The following RBFOX1 variants were observed in gnomAD, a reference collection of about 807,000 sequenced individuals.
The protein encoded by RBFOX1 is RNA binding protein fox-1 homolog 1.
In RBFOX1, 8 loss-of-function variants were observed where a neutral mutation model predicts 57.7. That is an observed-to-expected ratio of 0.14 (90% CI 0.08 to 0.25). RBFOX1 has a LOEUF of 0.25. Among genes scored for constraint, RBFOX1 ranks in the 10% least tolerant of loss-of-function variants. The pLI is 1.00. For synonymous variants in RBFOX1, 326 were observed against 222.4 expected, an observed-to-expected ratio of 1.47 and a Z score of -4.15; for missense variants, 611 against 548.5, an observed-to-expected ratio of 1.11 and a Z score of -1.14.
intron 2 of RBFOX1, among the ~76,000 whole-genome samples, chr16:6,407,929 C>T (rs1406675354): frequency 6.6e-6 from 1 of 152,128 alleles, no homozygotes; most frequent in Non-Finnish European, 1.5e-5. Flanking sequence ...TGATTCTCAG[C>T]ACAATAGTAT....
chr16:6,862,178 G>C (rs779601111), intron 3 of RBFOX1, among the ~76,000 whole-genome samples: 2 of 152,148 alleles, frequency 1.3e-5, no homozygotes, highest in African/African-American at 2.4e-5. Flanking sequence ...CTTGCTGTGT[G>C]TGTCATGTTT....
chr16:5,427,230 C>T (rs929796288), intron 1 of RBFOX1, among the ~76,000 whole-genome samples: 3 of 152,196 alleles, frequency 2.0e-5, no homozygotes, highest in Non-Finnish European at 4.4e-5. Context: ...TACCTGTGTA[C>T]ATCAAAAGAG....
intron 4 of RBFOX1, among the ~76,000 whole-genome samples, chr16:7,363,592 C>T (rs2097372967): frequency 6.6e-6 from 1 of 152,052 alleles, no homozygotes; most frequent in African/African-American, 2.4e-5. Context: ...GGCAGTGTGC[C>T]GAGCAGCTGG....
chr16:7,439,420 C>A (rs532308708), intron 4 of RBFOX1, among the ~76,000 whole-genome samples: 1 of 151,974 alleles, frequency 6.6e-6, no homozygotes, highest in African/African-American at 2.4e-5. Context: ...GAAAAGGCAT[C>A]CATTCACTTT....
At chr16:5,313,012 G>C (rs1310222262) in intron 1 of RBFOX1, among the ~76,000 whole-genome samples, 1 of 152,126 alleles carries the variant, frequency 6.6e-6, no homozygotes, top group Non-Finnish European at 1.5e-5. Flanking sequence ...ACACCACTGA[G>C]AATGGCAGGC....
intron 2 of RBFOX1, among the ~76,000 whole-genome samples, chr16:6,636,476 T>C (rs1323230258): frequency 6.6e-6 from 1 of 152,050 alleles, no homozygotes; most frequent in African/African-American, 2.4e-5. Context: ...GGCTGGATTT[T>C]GGATTTTTAG....
At chr16:6,087,737 G>C (rs1337339967) in intron 1 of RBFOX1, among the ~76,000 whole-genome samples, 1 of 150,642 alleles carries the variant, frequency 6.6e-6, no homozygotes, top group Non-Finnish European at 1.5e-5. Flanking sequence ...ACTGCACCCT[G>C]TGTCTCCTGG....
At chr16:5,865,260 G>A (rs375085440) in intron 3 of RBFOX1, among the ~76,000 whole-genome samples, 32 of 152,236 alleles carry the variant, frequency 2.1e-4, no homozygotes, top group African/African-American at 7.0e-4. Flanking sequence ...GTGAGATAAT[G>A]TAGCCCAGGG....
chr16:7,036,030 T>A (rs1369428923), intron 3 of RBFOX1, among the ~76,000 whole-genome samples: 1 of 152,144 alleles, frequency 6.6e-6, no homozygotes, highest in Non-Finnish European at 1.5e-5. Context: ...ATAATGACAT[T>A]TTGTAAAGTC....
chr16:6,045,392 A>T (rs757257437), intron 1 of RBFOX1, among the ~76,000 whole-genome samples: 1 of 152,168 alleles, frequency 6.6e-6, no homozygotes, highest in Non-Finnish European at 1.5e-5. Context: ...GGAAATTTGT[A>T]GTCTAATTTG....
chr16:6,007,145 G>A (rs1220462487), intron 4 of RBFOX1, among the ~76,000 whole-genome samples: 9 of 152,150 alleles, frequency 5.9e-5, no homozygotes, highest in Admixed American at 5.9e-4. Context: ...CTCTCTCCTG[G>A]TATCTGCAGT....
intron 2 of RBFOX1, among the ~76,000 whole-genome samples, chr16:6,513,943 A>G (rs1317378685): frequency 6.6e-6 from 1 of 152,152 alleles, no homozygotes; most frequent in Non-Finnish European, 1.5e-5. Context: ...GATGGGAAGA[A>G]CAGAAATAGG....
At chr16:6,430,163 A>G (rs1265153483) in intron 2 of RBFOX1, among the ~76,000 whole-genome samples, 1 of 152,016 alleles carries the variant, frequency 6.6e-6, no homozygotes, top group Non-Finnish European at 1.5e-5. Flanking sequence ...CCTTTATAAT[A>G]ATTACCCAGT....
At chr16:6,720,371 C>G (rs2065738585) in intron 3 of RBFOX1, among the ~76,000 whole-genome samples, 1 of 152,206 alleles carries the variant, frequency 6.6e-6, no homozygotes, top group African/African-American at 2.4e-5. Flanking sequence ...CCTAGCCATG[C>G]TACCTTTACA....
chr16:6,636,623 T>C (rs1436753266), intron 2 of RBFOX1, among the ~76,000 whole-genome samples: 1 of 151,464 alleles, frequency 6.6e-6, no homozygotes, highest in Admixed American at 6.6e-5. Context: ...TTTGTGTGCA[T>C]GATCTTTTGA....
At chr16:5,941,325 A>AC (rs1450935273) in intron 4 of RBFOX1, among the ~76,000 whole-genome samples, 1 of 151,910 alleles carries the variant, frequency 6.6e-6, no homozygotes, top group Non-Finnish European at 1.5e-5. Context: ...TCTTATCTCT[A>AC]CATTTTTTTT....
chr16:6,829,673 C>G (rs2092552388), intron 3 of RBFOX1, among the ~76,000 whole-genome samples: 2 of 152,038 alleles, frequency 1.3e-5, no homozygotes, highest in African/African-American at 2.4e-5. Flanking sequence ...GTGATCTTGG[C>G]TCACTACAAC....
chr16:7,026,330 C>T (rs1276277034), intron 3 of RBFOX1, among the ~76,000 whole-genome samples: 1 of 152,184 alleles, frequency 6.6e-6, no homozygotes, highest in African/African-American at 2.4e-5. Context: ...AACGGTTTAA[C>T]TCGGGTATCC....
At chr16:5,789,812 C>G (rs895400589) in intron 3 of RBFOX1, among the ~76,000 whole-genome samples, 2 of 152,142 alleles carry the variant, frequency 1.3e-5, no homozygotes, top group Non-Finnish European at 2.9e-5. Context: ...CTTCTAACCG[C>G]CAGGCCAACC....
Sources: gnomAD v4.1 joint callset for allele counts (sites outside exome capture counted in the v4.1 genomes callset) on GRCh38, gnomAD v4.1.1 for gene constraint, MANE v1.5 for transcripts, NCBI Gene and HGNC (gene_info 2026-07-23, HGNC 2026-07-21) for gene names.